EPS8L3: variants seen among roughly 807,000 people sequenced by gnomAD.
The protein encoded by EPS8L3 is epidermal growth factor receptor kinase substrate 8-like protein 3.
In EPS8L3, 80 loss-of-function variants were observed where a neutral mutation model predicts 88.5. The ratio of observed to expected loss-of-function variants is 0.90; its 90% CI spans 0.75 to 1.09. The LOEUF (loss-of-function observed/expected upper bound fraction) is 1.09. Among genes scored for constraint, EPS8L3 ranks in the 50% least tolerant of loss-of-function variants. EPS8L3 has a pLI of 0.00. For missense variants in EPS8L3, 721 were observed against 735.2 expected (o/e 0.98, Z 0.22); for synonymous variants, 286 against 291.0 (o/e 0.98, Z 0.18).
chr1:109,752,547 G>T, intron 14 of EPS8L3, 139 bp downstream of exon 14: 1 of 764,810 alleles, frequency 1.3e-6, no homozygotes, highest in Non-Finnish European at 2.2e-6. Flanking sequence ...AGGTAGGAGA[G>T]GGATGTCCTT....
rs375164304 is a variant in EPS8L3 at position 109,761,584 on chromosome 1, G to A, written c.32-25C>T. Reference sequence around the variant, plus strand: ...ACTACAAGGGCACAGAGCAAGGGGCGGGAGGTGGGCAGAAGAACGAGGTGA... The same window carrying A: ...ACTACAAGGGCACAGAGCAAGGGGCAGGAGGTGGGCAGAAGAACGAGGTGA... On this transcript the variant is annotated intron_variant, in intron 2 of 18. Transcript: ENST00000361965. 912 of 1,613,160 alleles carry A rather than the reference G, an allele frequency of 5.7e-4. 16 individuals carry two copies. In the South Asian group the frequency reaches 9.2e-3, roughly 16 times the overall value.
intron 15 of EPS8L3, 32 bp downstream of exon 15, chr1:109,751,963 C>A: frequency 6.4e-7 from 1 of 1,573,046 alleles, no homozygotes. Context: ...CCAACCACCA[C>A]CTCCTTTTCT....
In EPS8L3 at chr1:109,759,458, C is replaced by T. The variant is rs1424272969; in HGVS notation, c.256-71G>A. 2 of 1,582,754 alleles carry T rather than the reference C, an allele frequency of 1.3e-6. No homozygotes were observed. The highest frequency in any genetic ancestry group is 1.7e-6 in the Non-Finnish European group (2 of 1,164,992). On this transcript the variant is annotated intron_variant, in intron 4 of 18. Coordinates refer to ENST00000361965, the MANE Select transcript of EPS8L3 (RefSeq NM_133181.4). The surrounding 1 kb of genome is among the most constrained non-coding windows in gnomAD (Gnocchi z 4.2). Reference sequence around the variant, plus strand: ...GTGGCTTCTGGGAGCTCCTGACCAGCTCATCCTAGCCCTTTGGTGGCCTAG... The same window carrying T: ...GTGGCTTCTGGGAGCTCCTGACCAGTTCATCCTAGCCCTTTGGTGGCCTAG...
At chr1:109,751,450 C>A (rs1266636960) in intron 16 of EPS8L3, 99 bp from the exon 17 acceptor site, 3 of 1,398,322 alleles carry the variant, frequency 2.1e-6, no homozygotes, top group Non-Finnish European at 2.0e-6. Flanking sequence ...CATCAAATCA[C>A]TTCTCTTACT....
At position 109,752,071 on chromosome 1, in the gene EPS8L3, A is replaced by G. The variant is rs374700373; in HGVS notation, c.1358T>C (p.Leu453Pro). 65 of 1,613,802 alleles carry G rather than the reference A, an allele frequency of 4.0e-5. No individual in the cohort carries two copies. In the Middle Eastern group the frequency reaches 4.9e-4, roughly 12 times the overall value. Residue 453 changes from leucine (L) to proline (P), a missense_variant, in exon 15 of 19, where the codon CTG (leucine) becomes CCG (proline). Transcript: ENST00000361965. ...AAACTCGTACAAGACTTGCATTTTC[A>G]GGGCTGGCTGGGCAGGTTTGGGGCT... Reference protein sequence around the residue: ...PSSPKPAQPALKMQVLYEFEA... With the variant: ...PSSPKPAQPAPKMQVLYEFEA...
Position 109,758,423 on chromosome 1 carries a change from G to A in EPS8L3, c.610C>T (p.Pro204Ser), listed in dbSNP as rs1650527141. The A allele has an allele frequency of 6.2e-7, 1 of 1,605,738 alleles. No homozygotes were observed. Among genetic ancestry groups the A allele is most frequent in the African/African-American group, 1.3e-5 (1 of 74,650 alleles). Residue 204 changes from proline to serine, a missense_variant, in exon 8 of 19, where the codon CCA becomes TCA. By Grantham distance (74) the Pro-to-Ser change is moderately conservative. Coordinates refer to ENST00000361965, the MANE Select transcript of EPS8L3 (RefSeq NM_133181.4). ...HQRTLEHSLPPSPRPLPRHTS... is the reference protein window; with the variant it reads ...HQRTLEHSLPSSPRPLPRHTS... ...TGGCGTGGCAGGGGCCTTGGGGATGGTGGGAGGCCTGCAGTGTAAGGGGAC... is the reference window on the plus strand; with the variant it reads ...TGGCGTGGCAGGGGCCTTGGGGATGATGGGAGGCCTGCAGTGTAAGGGGAC...
At position 109,752,049 on chromosome 1, in the gene EPS8L3, C is replaced by A; in HGVS notation, c.1380G>T (p.Glu460Asp). The stretch of plus-strand genomic sequence containing the variant: ...GTTCCCGTGGGTTCCTAGCTTCAAA[C>A]TCGTACAAGACTTGCATTTTCAGGG... ...QPALKMQVLY[E>D]FEARNPRELT... Residue 460 changes from glutamate (E) to aspartate (D), a missense_variant, in exon 15 of 19, where the codon GAG becomes GAT. Physicochemically the swap from Glu to Asp is conservative, Grantham distance 45. Transcript: ENST00000361965. The A allele has an allele frequency of 6.2e-7, 1 of 1,613,922 alleles. No homozygotes were observed. Among genetic ancestry groups the A allele is most frequent in the Non-Finnish European group, 8.5e-7 (1 of 1,179,922 alleles).
At chr1:109,758,256 G>A (rs530137150) in intron 8 of EPS8L3, 60 bp downstream of exon 8, 7 of 1,495,800 alleles carry the variant, frequency 4.7e-6, no homozygotes, top group Non-Finnish European at 6.5e-6. Flanking sequence ...GGGAGGGTTG[G>A]TGTCCTTCCT....
chr1:109,751,201 G>T, intron 17 of EPS8L3, 77 bp downstream of exon 17: 1 of 1,319,408 alleles, frequency 7.6e-7, no homozygotes, highest in Non-Finnish European at 1.1e-6. Flanking sequence ...CAGGTTGTAT[G>T]TTCTGGGTCT....
intron 11 of EPS8L3, 123 bp from the exon 12 acceptor site, chr1:109,757,288 G>A: frequency 4.8e-6 from 6 of 1,263,000 alleles, no homozygotes; most frequent in Non-Finnish European, 6.5e-6. Context: ...CCTGCAAGGG[G>A]CCCCATCTGC....
At chr1:109,751,194 G>A in intron 17 of EPS8L3, 84 bp downstream of exon 17, 1 of 1,221,958 alleles carries the variant, frequency 8.2e-7, no homozygotes, top group Non-Finnish European at 1.2e-6. Context: ...TGTAGGCCAG[G>A]TTGTATGTTC....
chr1:109,758,603 C>A lies in EPS8L3; in HGVS notation c.522G>T (p.Arg174Ser), dbSNP rs200087276. Residue 174 changes from arginine (R) to serine (S), a missense_variant, in exon 7 of 19, where the codon AGG becomes AGT. Coordinates refer to ENST00000361965, the MANE Select transcript of EPS8L3 (RefSeq NM_133181.4). Reference protein sequence around the residue: ...QDRWRGPAMERPLPMEQARYL... With the variant: ...QDRWRGPAMESPLPMEQARYL... The stretch of plus-strand genomic sequence containing the variant: ...AGCGTGCCTGCTCCATAGGGAGCGG[C>A]CTTTCCATAGCAGGCCCCCTCCATC... 22 of 1,613,078 alleles carry A rather than the reference C, an allele frequency of 1.4e-5. No homozygotes were observed. The East Asian group carries it at 4.0e-4, about 29-fold the overall frequency.
intron 6 of EPS8L3, 131 bp from the exon 7 acceptor site, chr1:109,758,794 T>C: frequency 8.2e-7 from 1 of 1,222,932 alleles, no homozygotes; most frequent in Admixed American, 2.9e-5. Flanking sequence ...CTCCCTGGTC[T>C]CCTTCTGGAC....
At chr1:109,757,373 C>A in intron 11 of EPS8L3, 108 bp downstream of exon 11, 1 of 1,206,532 alleles carries the variant, frequency 8.3e-7, no homozygotes, top group East Asian at 2.4e-5. Context: ...CATCTGGTTC[C>A]ACCCTGGCCC....
intron 15 of EPS8L3, 87 bp from the exon 16 acceptor site, chr1:109,751,869 C>T: frequency 6.3e-7 from 1 of 1,586,156 alleles, no homozygotes; most frequent in Non-Finnish European, 8.6e-7. Context: ...CCAGCTCTTT[C>T]CTACCCTCCT....
At chr1:109,762,077 G>A (rs1347262092) in intron 1 of EPS8L3, among the ~76,000 whole-genome samples, 2 of 152,192 alleles carry the variant, frequency 1.3e-5, no homozygotes, top group Non-Finnish European at 2.9e-5. Context: ...CTCATGCCAA[G>A]GAGCCCAGGA....
Position 109,750,309 on chromosome 1 carries a change from G to C in EPS8L3, c.*82C>G, listed in dbSNP as rs928945568. The C allele has an allele frequency of 4.5e-6, 7 of 1,551,082 alleles. No homozygotes were observed. The highest frequency in any genetic ancestry group is 6.2e-6 in the Non-Finnish European group (7 of 1,131,728). The stretch of plus-strand genomic sequence containing the variant: ...TGCTGCAAACTGGGATCCAGAAGAG[G>C]AATTCTCGGGGCTCTAATGGGTATC... On this transcript the variant is annotated 3_prime_UTR_variant, in exon 19 of 19. Coordinates refer to ENST00000361965, the MANE Select transcript of EPS8L3 (RefSeq NM_133181.4).
chr1:109,760,172 C>G (rs763815295), intron 3 of EPS8L3, among the ~76,000 whole-genome samples: 28 of 152,164 alleles, frequency 1.8e-4, no homozygotes, highest in Non-Finnish European at 3.2e-4. Context: ...CAACAAATAA[C>G]TCCTCTGGAG....
chr1:109,750,664 A>G lies in EPS8L3; in HGVS notation c.1766T>C (p.Leu589Pro), dbSNP rs760254794. 1.2e-6 allele frequency: 2 copies of G among 1,614,144 alleles called. No individual in the cohort carries two copies. The highest frequency in any genetic ancestry group is 8.5e-7 in the Non-Finnish European group (1 of 1,180,002). ...AGGACCCCAGGGTGTCCTCACCCCC[A>G]GCATCCTTCTGACAGCCTCCAGCCG... ...LSRLEAVRRM[L>P]GISP The change falls in exon 18 of 19, where the codon CTG (leucine) becomes CCG (proline). Residue 589 changes from leucine (L) to proline (P), a missense_variant. Leu to Pro is a moderately conservative substitution (Grantham distance 98). Transcript: ENST00000361965.
Sources: allele counts gnomAD v4.1 joint callset (sites outside exome capture counted in the v4.1 genomes callset), GRCh38; gene constraint gnomAD v4.1.1; non-coding constraint Gnocchi (gnomAD v3.1); transcripts MANE v1.5; gene names NCBI Gene and HGNC (gene_info 2026-07-23, HGNC 2026-07-21).